The following CPEB1 variants were observed in gnomAD, a reference collection of about 807,000 sequenced individuals.
The protein encoded by CPEB1 is cytoplasmic polyadenylation element binding protein 1.
A neutral mutation model predicts 65.8 loss-of-function variants in CPEB1; 7 were observed. That is an observed-to-expected ratio of 0.11 (90% CI 0.06 to 0.20). CPEB1 has a LOEUF of 0.20. Among genes scored for constraint, CPEB1 ranks in the 10% least tolerant of loss-of-function variants. CPEB1 has a pLI of 1.00. For missense variants in CPEB1, 551 were observed against 712.2 expected (o/e 0.77, Z 2.58); for synonymous variants, 262 against 260.0 (o/e 1.01, Z -0.08).
chr15:82,577,582 C>T (rs1596054428), intron 3 of CPEB1, among the ~76,000 whole-genome samples: 1 of 152,154 alleles, frequency 6.6e-6, no homozygotes, highest in Non-Finnish European at 1.5e-5. Context: ...GTGGCATAAA[C>T]ACAATTCACT....
At chr15:82,595,310 G>A (rs146925310) in intron 3 of CPEB1, among the ~76,000 whole-genome samples, 109 of 152,162 alleles carry the variant, frequency 7.2e-4, no homozygotes, top group Non-Finnish European at 1.4e-3. Flanking sequence ...ATGAACATTC[G>A]TTTTCATTTC....
chr15:82,579,730 G>C (rs1206856601), intron 3 of CPEB1, among the ~76,000 whole-genome samples: 1 of 150,254 alleles, frequency 6.7e-6, no homozygotes, highest in East Asian at 2.0e-4. Context: ...GGCTAACAAG[G>C]TGAAACCCCG....
In CPEB1 at chr15:82,571,500, T is replaced by C. The variant is rs1257618465; in HGVS notation, c.304A>G (p.Arg102Gly). 6.2e-7 allele frequency: 1 copy of C among 1,614,124 alleles called. No individual in the cohort carries two copies. Among genetic ancestry groups the C allele is most frequent in the Admixed American group, 1.7e-5 (1 of 60,026 alleles). ...TGCGCAGAGGTTGGGAAAAGCATCC[T>C]GCTTGTAACTGTTTCTTCAGAGTCC... The part of the protein sequence containing the change: ...FQDSEETVTS[R>G]MLFPTSAQES... The change falls in exon 4 of 13, where the codon AGG (arginine) becomes GGG (glycine). Residue 102 changes from arginine (R) to glycine (G), a missense_variant. Physicochemically the swap from Arg to Gly is moderately radical, Grantham distance 125. This residue lies in a region of CPEB1 where 223 missense variants were observed against 228.6 expected (regional missense o/e 0.98). Transcript: ENST00000684509.
chr15:82,627,467 A>T (rs2151319028), intron 2 of CPEB1, 100 bp from the exon 3 acceptor site: 1 of 865,042 alleles, frequency 1.2e-6, no homozygotes, highest in Non-Finnish European at 1.7e-6. Flanking sequence ...GGACTTAAGT[A>T]TCTTCTTTAT....
chr15:82,643,121 C>T (rs1215401583), intron 1 of CPEB1, among the ~76,000 whole-genome samples: 1 of 152,166 alleles, frequency 6.6e-6, no homozygotes, highest in Non-Finnish European at 1.5e-5. Context: ...ACACTCCACA[C>T]CCCCAAATCC....
intron 3 of CPEB1, among the ~76,000 whole-genome samples, chr15:82,601,470 G>A (rs1339960098): frequency 2.0e-5 from 3 of 152,004 alleles, no homozygotes; most frequent in Non-Finnish European, 1.5e-5. Flanking sequence ...GAAACCAGGA[G>A]GCGGAGGTTG....
At chr15:82,632,176 GT>G (rs2151339612) in intron 1 of CPEB1, among the ~76,000 whole-genome samples, 1 of 151,680 alleles carries the variant, frequency 6.6e-6, no homozygotes, top group South Asian at 2.1e-4. Context: ...TAGAGATGGG[GT>G]TTCACCACAT....
chr15:82,572,483 T>A (rs2040178749), intron 3 of CPEB1, among the ~76,000 whole-genome samples: 1 of 152,060 alleles, frequency 6.6e-6, no homozygotes, highest in African/African-American at 2.4e-5. Flanking sequence ...CTGCCCTGAC[T>A]AGGATAATCC....
At chr15:82,639,906 C>T (rs2046969250) in intron 1 of CPEB1, among the ~76,000 whole-genome samples, 1 of 152,118 alleles carries the variant, frequency 6.6e-6, no homozygotes, top group African/African-American at 2.4e-5. Context: ...TTCTGGCTGG[C>T]AACATTTTAC....
intron 3 of CPEB1, among the ~76,000 whole-genome samples, chr15:82,597,236 G>A (rs1240157050): frequency 7.2e-5 from 11 of 152,168 alleles, no homozygotes; most frequent in Non-Finnish European, 1.5e-4. Flanking sequence ...TAAAGTGGGA[G>A]GATCAATTGG....
chr15:82,575,453 G>A (rs1341527564), intron 3 of CPEB1, among the ~76,000 whole-genome samples: 1 of 152,136 alleles, frequency 6.6e-6, no homozygotes, highest in Admixed American at 6.5e-5. Context: ...CAATGATCAT[G>A]GAGAAAGTTG....
intron 2 of CPEB1, 122 bp from the exon 3 acceptor site, chr15:82,627,489 C>G: frequency 1.5e-6 from 1 of 669,382 alleles, no homozygotes; most frequent in South Asian, 2.5e-5. Flanking sequence ...CATTAAAACA[C>G]TTAATGAGTG....
At chr15:82,552,366 T>G (rs1366812812) in intron 9 of CPEB1, 114 bp downstream of exon 9, 1 of 974,944 alleles carries the variant, frequency 1.0e-6, no homozygotes, top group Non-Finnish European at 1.4e-6. Flanking sequence ...AGAGCCTTCT[T>G]GCCTCAGCAG....
intron 1 of CPEB1, chr15:82,638,610 T>A (rs1423732130): frequency 6.6e-6 from 1 of 152,140 alleles, no homozygotes; most frequent in Admixed American, 6.6e-5. Context: ...CAAAGTTGAA[T>A]AACCATAGTT....
chr15:82,585,234 T>G (rs1282973106), intron 3 of CPEB1, among the ~76,000 whole-genome samples: 1 of 152,118 alleles, frequency 6.6e-6, no homozygotes, highest in Non-Finnish European at 1.5e-5. Context: ...TCTACCCCCA[T>G]AAATGTACTC....
intron 3 of CPEB1, among the ~76,000 whole-genome samples, chr15:82,609,457 C>T (rs1050191143): frequency 1.3e-5 from 2 of 151,476 alleles, no homozygotes; most frequent in South Asian, 2.1e-4. Context: ...GCTGTGATCA[C>T]GCCACTGCAC....
In CPEB1 at chr15:82,549,650, C is replaced by A. The variant is rs375099928; in HGVS notation, c.1290G>T (p.Val430=). The A allele has an allele frequency of 1.4e-4, 231 of 1,614,042 alleles. No individual in the cohort carries two copies. The highest frequency in any genetic ancestry group is 1.9e-4 in the Non-Finnish European group (224 of 1,180,040). ...TACTGTCGGCTAATACCCAGGGGATCACCTGCACCTGAAAACCACCCAAAG... is the reference window on the plus strand; with the variant it reads ...TACTGTCGGCTAATACCCAGGGGATAACCTGCACCTGAAAACCACCCAAAG... The part of the protein sequence containing the change: ...SRRMRCKEVQ[V]IPWVLADSNF... Residue 430 remains valine (V), a synonymous_variant, in exon 10 of 13, where the codon GTG becomes GTT. Transcript: ENST00000684509.
At chr15:82,554,798 A>G (rs1168463206) in intron 6 of CPEB1, among the ~76,000 whole-genome samples, 1 of 152,268 alleles carries the variant, frequency 6.6e-6, no homozygotes, top group Non-Finnish European at 1.5e-5. Flanking sequence ...CCTAAAAGGA[A>G]TAGGCCCAAC....
chr15:82,647,826 C>G (rs1306563652), upstream of CPEB1: 19 of 1,283,312 alleles, frequency 1.5e-5, no homozygotes, highest in Non-Finnish European at 1.8e-5. Context: ...GGACGCGGCC[C>G]CGCCCAGGCG....
Sources: gnomAD v4.1 joint callset for allele counts (sites outside exome capture counted in the v4.1 genomes callset) on GRCh38, gnomAD v4.1.1 for gene constraint, gnomAD v4.1.1 regional missense constraint, MANE v1.5 for transcripts, NCBI Gene and HGNC (gene_info 2026-07-23, HGNC 2026-07-21) for gene names.